The following PCDHGB2 variants were observed in gnomAD, a reference collection of about 807,000 sequenced individuals.
PCDHGB2 encodes protocadherin gamma subfamily B, 2, also known as protocadherin gamma-B2.
In PCDHGB2, 55 loss-of-function variants were observed where a neutral mutation model predicts 59.3. The ratio of observed to expected loss-of-function variants is 0.93; its 90% confidence interval spans 0.75 to 1.16. The LOEUF is 1.16. Ranked by LOEUF, PCDHGB2 falls within the 50% of genes most tolerant of loss-of-function variation. The pLI is 0.00. For missense variants in PCDHGB2, 1,228 were observed against 1,198.5 expected, an observed-to-expected ratio of 1.02 and a Z score of -0.36; for synonymous variants, 516 against 512.0, an observed-to-expected ratio of 1.01 and a Z score of -0.11.
Position 141,477,656 on chromosome 5 carries a change from C to T in PCDHGB2, c.2422-17151C>T, listed in dbSNP as rs755621234. The T allele has an allele frequency of 1.9e-6, 3 of 1,614,184 alleles. No homozygotes were observed. The South Asian group carries it at 3.3e-5, about 18-fold the overall frequency. ...AGTGGGTCGCTATTTCACAATAAATCGTGACAATGGCATAGTGTCATCCTT... is the reference window on the plus strand; with the variant it reads ...AGTGGGTCGCTATTTCACAATAAATTGTGACAATGGCATAGTGTCATCCTT... On this transcript the variant is annotated intron_variant, in intron 1 of 3. Transcript: ENST00000522605. The surrounding 1 kb of genome is among the most constrained non-coding windows in gnomAD (Gnocchi z 4.9).
intron 1 of PCDHGB2, chr5:141,405,271 C>T: frequency 3.1e-6 from 5 of 1,614,094 alleles, no homozygotes; most frequent in Non-Finnish European, 4.2e-6. Flanking sequence ...TCCCCCAGCC[C>T]AACTATGCAG....
At position 141,365,444 on chromosome 5, in the gene PCDHGB2, C is replaced by G. The variant is rs771471249; in HGVS notation, c.2421+2888C>G. 3 of 1,613,872 alleles carry G rather than the reference C, an allele frequency of 1.9e-6. No homozygotes were observed. The highest frequency in any genetic ancestry group is 3.3e-5 in the Admixed American group (2 of 60,006). On this transcript the variant is annotated intron_variant, in intron 1 of 3. Coordinates refer to ENST00000522605, the MANE Select transcript of PCDHGB2 (RefSeq NM_018923.3). ...AACTGTAATCGCGCTGTTTAGCGTACATGATGGTGATTCTGGAGAAAATGG... is the reference window on the plus strand; with the variant it reads ...AACTGTAATCGCGCTGTTTAGCGTAGATGATGGTGATTCTGGAGAAAATGG...
At chr5:141,482,602 C>T (rs2099569087) in intron 1 of PCDHGB2, among the ~76,000 whole-genome samples, 1 of 142,506 alleles carries the variant, frequency 7.0e-6, no homozygotes, top group Non-Finnish European at 1.5e-5. Flanking sequence ...CGGGAAAAAA[C>T]ACCTAAATGA....
rs1316659737 is a variant in PCDHGB2 at position 141,490,964 on chromosome 5, C to T, written c.2422-3843C>T. ...CCACGGCCAGACTGGGAACACTCAG[C>T]CCCCCAGCGTCTCCCTCGCTCTGCT... On this transcript the variant is annotated intron_variant, in intron 1 of 3. Transcript: ENST00000522605. The surrounding 1 kb of genome is among the most constrained non-coding windows in gnomAD (Gnocchi z 5.4). 2.5e-6 allele frequency: 4 copies of T among 1,613,608 alleles called. No homozygotes were observed. Among genetic ancestry groups the T allele is most frequent in the East Asian group, 2.2e-5 (1 of 44,882 alleles).
At chr5:141,435,719 C>T (rs890713374) in intron 1 of PCDHGB2, among the ~76,000 whole-genome samples, 6 of 152,156 alleles carry the variant, frequency 3.9e-5, no homozygotes, top group Admixed American at 3.3e-4. Context: ...ACACTGAATG[C>T]TAAAGTGTAT....
intron 1 of PCDHGB2, among the ~76,000 whole-genome samples, chr5:141,483,875 AT>A (rs2154580008): frequency 6.6e-6 from 1 of 151,964 alleles, no homozygotes; most frequent in Admixed American, 6.6e-5. Context: ...ATCAGGATGG[AT>A]TTTTCTATTT....
At chr5:141,386,427 C>T (rs2090573409) in intron 1 of PCDHGB2, among the ~76,000 whole-genome samples, 1 of 152,052 alleles carries the variant, frequency 6.6e-6, no homozygotes. Context: ...CTGTAGCCCA[C>T]CTGCATGGGA....
intron 1 of PCDHGB2, chr5:141,442,507 G>C (rs1394231840): frequency 1.3e-5 from 2 of 152,208 alleles, no homozygotes; most frequent in Non-Finnish European, 1.5e-5. Flanking sequence ...TATTCTAATT[G>C]CTTGGGCAGA....
chr5:141,375,822 G>C (rs1439795137), intron 1 of PCDHGB2: 3 of 1,614,144 alleles, frequency 1.9e-6, no homozygotes. Context: ...CTGGCGCCCC[G>C]CTCCGCAGAG....
Position 141,477,782 on chromosome 5 carries a change from T to G in PCDHGB2, c.2422-17025T>G, listed in dbSNP as rs763675478. 1.2e-5 allele frequency: 20 copies of G among 1,613,902 alleles called. No individual in the cohort carries two copies. Among genetic ancestry groups the G allele is most frequent in the Non-Finnish European group, 1.7e-5 (20 of 1,180,042 alleles). ...AGCCACCAACATCAGCGTGAACATA[T>G]TTGTCACTGATCGCAATGACAATGC... On this transcript the variant is annotated intron_variant, in intron 1 of 3. Coordinates refer to ENST00000522605, the MANE Select transcript of PCDHGB2 (RefSeq NM_018923.3). The surrounding 1 kb of genome is among the most constrained non-coding windows in gnomAD (Gnocchi z 4.9).
At chr5:141,504,986 AC>A (rs1225847397) in intron 2 of PCDHGB2, among the ~76,000 whole-genome samples, 4 of 151,936 alleles carry the variant, frequency 2.6e-5, no homozygotes, top group Non-Finnish European at 5.9e-5. Context: ...ACATGGTGAA[AC>A]CCCGTCTGTA....
chr5:141,465,502 G>A (rs948827391), intron 1 of PCDHGB2, among the ~76,000 whole-genome samples: 6 of 152,268 alleles, frequency 3.9e-5, no homozygotes, highest in Admixed American at 2.0e-4. Context: ...GAGCATTGTC[G>A]TGGTCAGGAA....
At chr5:141,415,258 C>G (rs1228702476) in intron 1 of PCDHGB2, 1 of 1,614,214 alleles carries the variant, frequency 6.2e-7, no homozygotes, top group Non-Finnish European at 8.5e-7. Context: ...AGACCTCACT[C>G]TGTACCTGGT....
intron 1 of PCDHGB2, among the ~76,000 whole-genome samples, chr5:141,464,431 A>G (rs1352563675): frequency 6.6e-6 from 1 of 151,648 alleles, no homozygotes; most frequent in Non-Finnish European, 1.5e-5. Flanking sequence ...ATATAGATAT[A>G]TATGTTTGTT....
chr5:141,364,548 A>G, intron 1 of PCDHGB2: 5 of 1,614,106 alleles, frequency 3.1e-6, no homozygotes, highest in Non-Finnish European at 4.2e-6. Context: ...GGTAGGACGC[A>G]GCTTTTTGCC....
chr5:141,375,745 C>G (rs753247365), intron 1 of PCDHGB2: 4 of 1,614,238 alleles, frequency 2.5e-6, no homozygotes, highest in Non-Finnish European at 3.4e-6. Context: ...TTGTGCTGGA[C>G]CAGAATGACA....
intron 2 of PCDHGB2, among the ~76,000 whole-genome samples, chr5:141,503,295 T>C (rs567706089): frequency 6.6e-6 from 1 of 152,070 alleles, no homozygotes; most frequent in Non-Finnish European, 1.5e-5. Context: ...TACATAGAAA[T>C]TGCTCAAGAA....
At chr5:141,391,562 C>T (rs927673920) in intron 1 of PCDHGB2, 2 of 152,064 alleles carry the variant, frequency 1.3e-5, no homozygotes, top group Non-Finnish European at 1.5e-5. Flanking sequence ...TTTCCATATG[C>T]ATAAGAAAAT....
At chr5:141,419,457 A>AGGCCCGCGACCAGGGCT in intron 1 of PCDHGB2, 2 of 1,612,728 alleles carry the variant, frequency 1.2e-6, no homozygotes, top group Non-Finnish European at 1.7e-6. Context: ...CTCACGCTGC[A>AGGCCCGCGACCAGGGCT]GGCCCGCGAC....
Sources: allele counts gnomAD v4.1 joint callset (sites outside exome capture counted in the v4.1 genomes callset), GRCh38; gene constraint gnomAD v4.1.1; non-coding constraint Gnocchi (gnomAD v3.1); transcripts MANE v1.5; gene names NCBI Gene and HGNC (gene_info 2026-07-23, HGNC 2026-07-21).